ENTREP2: variants seen among roughly 807,000 people sequenced by gnomAD.
The protein encoded by ENTREP2 is endosomal transmembrane epsin interactor 2, also known as protein ENTREP2.
the ENTREP2 span, among the ~76,000 whole-genome samples, chr15:29,235,542 CA>C: frequency 6.6e-6 from 1 of 152,124 alleles, no homozygotes; most frequent in East Asian, 1.9e-4. Flanking sequence ...TGAATGGACA[CA>C]AAACATATCA....
the ENTREP2 span, chr15:29,569,760 C>T: frequency 6.6e-6 from 1 of 152,242 alleles, no homozygotes; most frequent in Non-Finnish European, 1.5e-5. Flanking sequence ...ATTTGTTCAC[C>T]ACTGGCTTCT....
chr15:29,490,314 G>A, the ENTREP2 span, among the ~76,000 whole-genome samples: 7,331 of 152,252 alleles, frequency 0.048, 556 homozygotes, highest in African/African-American at 0.17. Flanking sequence ...TACAGCTCTT[G>A]AAGGTAATAC....
chr15:29,577,143 G>A, the ENTREP2 span, among the ~76,000 whole-genome samples: 1 of 151,882 alleles, frequency 6.6e-6, no homozygotes, highest in African/African-American at 2.4e-5. Context: ...AAGAAAGAAA[G>A]GAGCAAGTGT....
chr15:29,545,765 T>A, the ENTREP2 span, among the ~76,000 whole-genome samples: 38 of 152,186 alleles, frequency 2.5e-4, no homozygotes, highest in South Asian at 6.2e-4. Context: ...TAGAATACAT[T>A]TTTTTAAGTT....
the ENTREP2 span, among the ~76,000 whole-genome samples, chr15:29,379,954 C>A: frequency 6.6e-6 from 1 of 151,972 alleles, no homozygotes; most frequent in Non-Finnish European, 1.5e-5. Context: ...CTGAAGGCAG[C>A]GCAGTCACCA....
the ENTREP2 span, among the ~76,000 whole-genome samples, chr15:29,384,440 T>A: frequency 0.011 from 1,667 of 152,174 alleles, 16 homozygotes; most frequent in Admixed American, 0.022. Context: ...CCTTGTCCAC[T>A]CGCTCTTGTC....
the ENTREP2 span, among the ~76,000 whole-genome samples, chr15:29,164,589 T>C: frequency 6.6e-6 from 1 of 152,162 alleles, no homozygotes; most frequent in Non-Finnish European, 1.5e-5. Flanking sequence ...AAGTGGGACA[T>C]TATATAATAG....
chr15:29,443,467 A>G, the ENTREP2 span, among the ~76,000 whole-genome samples: 1 of 152,132 alleles, frequency 6.6e-6, no homozygotes, highest in Non-Finnish European at 1.5e-5. Flanking sequence ...TTAAGTAATT[A>G]TACACTAGCC....
chr15:29,286,606 C>T, the ENTREP2 span, among the ~76,000 whole-genome samples: 4 of 152,150 alleles, frequency 2.6e-5, no homozygotes, highest in African/African-American at 4.8e-5. Context: ...GCCCCGGCCT[C>T]GGAGGCTGAC....
At chr15:29,652,841 C>G in the ENTREP2 span, among the ~76,000 whole-genome samples, 12,509 of 152,236 alleles carry the variant, frequency 0.082, 726 homozygotes, top group African/African-American at 0.17. Flanking sequence ...CCTTGGCAGC[C>G]GTGGATCCAG....
chr15:29,191,798 C>A, the ENTREP2 span, among the ~76,000 whole-genome samples: 8 of 152,284 alleles, frequency 5.3e-5, no homozygotes, highest in South Asian at 1.7e-3. Flanking sequence ...CCTACAGTCC[C>A]AGCTACTTGG....
At chr15:29,184,956 G>T in the ENTREP2 span, among the ~76,000 whole-genome samples, 2 of 151,972 alleles carry the variant, frequency 1.3e-5, no homozygotes, top group Non-Finnish European at 2.9e-5. Context: ...TGTGGCCGTA[G>T]TTCCAGCTAC....
the ENTREP2 span, chr15:29,196,593 C>T: frequency 3.8e-5 from 59 of 1,534,906 alleles, no homozygotes; most frequent in Non-Finnish European, 5.1e-5. Flanking sequence ...ACAGACCTCA[C>T]CGTTAACAGG....
chr15:29,350,377 T>C, the ENTREP2 span, among the ~76,000 whole-genome samples: 1 of 152,214 alleles, frequency 6.6e-6, no homozygotes, highest in Non-Finnish European at 1.5e-5. Flanking sequence ...TTTCTTCTCT[T>C]TTATTGTAAT....
At chr15:29,511,775 G>T in the ENTREP2 span, among the ~76,000 whole-genome samples, 1 of 148,312 alleles carries the variant, frequency 6.7e-6, no homozygotes, top group South Asian at 2.2e-4. Flanking sequence ...TGCTCCCACA[G>T]CTTAGTACCT....
the ENTREP2 span, among the ~76,000 whole-genome samples, chr15:29,651,630 C>T: frequency 6.6e-6 from 1 of 152,238 alleles, no homozygotes; most frequent in African/African-American, 2.4e-5. Flanking sequence ...GCTGCCTGGC[C>T]TCTTCCCAGC....
chr15:29,347,366 C>T, the ENTREP2 span, among the ~76,000 whole-genome samples: 10 of 151,948 alleles, frequency 6.6e-5, no homozygotes, highest in East Asian at 1.2e-3. Flanking sequence ...GACAAGGTCT[C>T]GCTGTGTTGC....
the ENTREP2 span, among the ~76,000 whole-genome samples, chr15:29,578,544 C>T: frequency 6.6e-6 from 1 of 152,182 alleles, no homozygotes; most frequent in Non-Finnish European, 1.5e-5. Flanking sequence ...CAACTAAGTG[C>T]AGGGAGAGAA....
At chr15:29,394,353 T>C in the ENTREP2 span, among the ~76,000 whole-genome samples, 1 of 152,124 alleles carries the variant, frequency 6.6e-6, no homozygotes, top group African/African-American at 2.4e-5. Context: ...CATTGAACTA[T>C]GTGGAGGGAA....
Sources: allele counts gnomAD v4.1 joint callset (sites outside exome capture counted in the v4.1 genomes callset), GRCh38; gene constraint gnomAD v4.1.1; transcripts MANE v1.5; gene names NCBI Gene and HGNC (gene_info 2026-07-23, HGNC 2026-07-21).